The following JAK3 variants were observed in gnomAD, a reference collection of about 807,000 sequenced individuals.
JAK3 encodes the protein tyrosine-protein kinase JAK3.
Under a neutral mutation model 120.8 loss-of-function variants are expected in JAK3, and 88 were observed. The ratio of observed to expected loss-of-function variants is 0.73; its 90% confidence interval spans 0.61 to 0.87. The LOEUF is 0.87. Ranked by LOEUF, JAK3 falls within the 40% of genes least tolerant of loss-of-function variation. The probability of loss-of-function intolerance (pLI) is 0.00; values close to 1 mark genes in which losing one functional copy is unlikely to be tolerated. For missense variants in JAK3, 1,254 were observed against 1,501.4 expected (o/e 0.84, Z 2.72); for synonymous variants, 592 against 628.6 (o/e 0.94, Z 0.87).
Position 17,842,571 on chromosome 19 carries a change from G to C in JAK3, c.606C>G (p.Ile202Met). The C allele has an allele frequency of 6.3e-7, 1 of 1,587,818 alleles. No homozygotes were observed. The highest frequency in any genetic ancestry group is 1.1e-5 in the South Asian group (1 of 87,796). Reference sequence around the variant, plus strand: ...TCCGCGTCACGAAGCTCAGGCCCTGGATCAGGTCGCGCAGGCTTGGGGGTA... The same window carrying C: ...TCCGCGTCACGAAGCTCAGGCCCTGCATCAGGTCGCGCAGGCTTGGGGGTA... Reference protein sequence around the residue: ...ACLPPSLRDLIQGLSFVTRRR... With the variant: ...ACLPPSLRDLMQGLSFVTRRR... Residue 202 changes from isoleucine (I) to methionine (M), a missense_variant, in exon 6 of 24, where the codon ATC becomes ATG. This residue lies in a region of JAK3 where 486 missense variants were observed against 503.0 expected (regional missense o/e 0.97). Transcript: ENST00000458235. The surrounding 1 kb of genome is among the most constrained non-coding windows in gnomAD (Gnocchi z 6.4).
rs2094214369 is a variant in JAK3 at position 17,831,447 on chromosome 19, C to T, written c.2806-47G>A. On this transcript the variant is annotated intron_variant, in intron 20 of 23. Coordinates refer to ENST00000458235, the MANE Select transcript of JAK3 (RefSeq NM_000215.4). The surrounding 1 kb of genome is among the most constrained non-coding windows in gnomAD (Gnocchi z 5.1). ...GTGCAGAGAGGATCCCAGGATAATCCGGCAGGTACCCCAAGCGTGACCTGG... is the reference window on the plus strand; with the variant it reads ...GTGCAGAGAGGATCCCAGGATAATCTGGCAGGTACCCCAAGCGTGACCTGG... 1.3e-6 allele frequency: 2 copies of T among 1,597,446 alleles called. No homozygotes were observed. Among genetic ancestry groups the T allele is most frequent in the Non-Finnish European group, 1.7e-6 (2 of 1,178,360 alleles).
chr19:17,835,327 C>G lies in JAK3; in HGVS notation c.1915-112G>C, dbSNP rs1027904515. On this transcript the variant is annotated intron_variant, in intron 14 of 23. Coordinates refer to ENST00000458235, the MANE Select transcript of JAK3 (RefSeq NM_000215.4). Reference sequence around the variant, plus strand: ...CCACTTGGTACTGCTCAGACATGCTCCAGCATCGTCCCTGACTCCTGACAT... The same window carrying G: ...CCACTTGGTACTGCTCAGACATGCTGCAGCATCGTCCCTGACTCCTGACAT... 2.1e-5 allele frequency: 29 copies of G among 1,352,270 alleles called. No homozygotes were observed. The African/African-American group carries it at 4.0e-4, about 19-fold the overall frequency. 83.8% of individuals were successfully genotyped at this position (1,352,270 alleles called of 1,614,324 possible).
In JAK3 at chr19:17,834,906, G is replaced by C. The variant is rs2147682321; in HGVS notation, c.2145C>G (p.Val715=). Residue 715 remains valine, a synonymous_variant, in exon 16 of 24, where the codon GTC becomes GTG. Transcript: ENST00000458235. ...EADKWGFGAT[V]WEVFSGVTMP... ...TGGTGACGCCACTAAACACTTCCCA[G>C]ACCGTGGCGCCGAAGCCCCACTTGT... 6.2e-7 allele frequency: 1 copy of C among 1,614,148 alleles called. No homozygotes were observed. Among genetic ancestry groups the C allele is most frequent in the Non-Finnish European group, 8.5e-7 (1 of 1,180,006 alleles).
In JAK3 at chr19:17,841,339, GA is replaced by G; in HGVS notation, c.1142+49del. ...GAGGACACTGAGGCATAGAGAAGGG[GA>G]GGGGCCCTGAGTGGCCACAGAGGCC... is the stretch of plus-strand genomic sequence containing the variant. On this transcript the variant is annotated intron_variant, in intron 8 of 23. Transcript: ENST00000458235. This position sits in a 1 kb window ranked among gnomAD's most constrained non-coding sequence, Gnocchi z 4.1. The G allele has an allele frequency of 6.6e-7, 1 of 1,524,828 alleles. No individual in the cohort carries two copies. The highest frequency in any genetic ancestry group is 8.8e-7 in the Non-Finnish European group (1 of 1,136,206). 94.5% of individuals were successfully genotyped at this position (1,524,828 alleles called of 1,614,324 possible).
chr19:17,834,576 G>T lies in JAK3; in HGVS notation c.2345C>A (p.Ser782Tyr). Residue 782 changes from serine (S) to tyrosine (Y), a missense_variant, in exon 17 of 24, where the codon TCT becomes TAT. Around this residue, in one of 3 missense-constraint regions of JAK3, gnomAD observed 630 missense variants for 819.8 expected, o/e 0.77. Transcript: ENST00000458235. ...CAACCCGTCCCAGCGGGCACCTGAA[G>T]AGATGAGGCTATTGAGGTCACGAAT... ...AVIRDLNSLI[S>Y]SDYELLSDPT... The T allele has an allele frequency of 1.9e-6, 3 of 1,585,400 alleles. No homozygotes were observed.
rs1201702835 is a variant in JAK3 at position 17,841,797 on chromosome 19, A to G, written c.862-35T>C. 2 of 1,598,990 alleles carry G rather than the reference A, an allele frequency of 1.3e-6. No homozygotes were observed. The highest frequency in any genetic ancestry group is 1.7e-6 in the Non-Finnish European group (2 of 1,179,608). On this transcript the variant is annotated intron_variant, in intron 6 of 23. Coordinates refer to ENST00000458235, the MANE Select transcript of JAK3 (RefSeq NM_000215.4). The surrounding 1 kb of genome is among the most constrained non-coding windows in gnomAD (Gnocchi z 4.1). ...AGGGGGAGTACCGAAGTGGGGGCCCAGCTGGACCCCGCCAAACCACGCCCA... is the reference window on the plus strand; with the variant it reads ...AGGGGGAGTACCGAAGTGGGGGCCCGGCTGGACCCCGCCAAACCACGCCCA...
chr19:17,840,821 T>C (rs1219721687), intron 8 of JAK3, among the ~76,000 whole-genome samples: 1 of 151,504 alleles, frequency 6.6e-6, no homozygotes, highest in Non-Finnish European at 1.5e-5. Flanking sequence ...GGGAGATTGT[T>C]TGTTTGTTTG....
Position 17,825,576 on chromosome 19 carries a change from G to C in JAK3, c.*1167C>G, listed in dbSNP as rs567602021. 5.2e-6 allele frequency: 1 copy of C among 192,572 alleles called. No homozygotes were observed. The highest frequency in any genetic ancestry group is 1.9e-4 in the South Asian group (1 of 5,174). The allele number at this position is 192,572 out of a possible 1,614,324, so 11.9% of individuals were successfully genotyped here. A position where few individuals can be genotyped will look rare whatever the true frequency, so the allele number is the denominator to read the frequency against. On this transcript the variant is annotated 3_prime_UTR_variant, in exon 24 of 24. Coordinates refer to ENST00000458235, the MANE Select transcript of JAK3 (RefSeq NM_000215.4). Reference sequence around the variant, plus strand: ...CCTTGGCTTCCTCCAGAGAAACAGAGATCGGGGAGCAGAAGTCAGATCATA... The same window carrying C: ...CCTTGGCTTCCTCCAGAGAAACAGACATCGGGGAGCAGAAGTCAGATCATA...
At chr19:17,827,464 C>A (rs1471356867) in intron 23 of JAK3, among the ~76,000 whole-genome samples, 3 of 151,848 alleles carry the variant, frequency 2.0e-5, no homozygotes, top group African/African-American at 7.3e-5. Context: ...TCTCCTGCCT[C>A]AGCCTCCCAA....
chr19:17,837,651 A>T (rs976499896), intron 12 of JAK3, among the ~76,000 whole-genome samples: 7 of 151,626 alleles, frequency 4.6e-5, no homozygotes, highest in Non-Finnish European at 2.9e-5. Flanking sequence ...CCGACCTCAG[A>T]TGATCTGCCC....
rs138593705 is a variant in JAK3 at position 17,826,851 on chromosome 19, G to A, written c.3267C>T (p.Ser1089=). The change falls in exon 24 of 24, where the codon AGC becomes AGT. Residue 1089 remains serine, a synonymous_variant. Transcript: ENST00000458235. ...APSPQDRPSF[S]ALGPQLDMLW... ...GCATGTCCAGCTGGGGGCCCAGGGC[G>A]CTGAATGATGGCCGGTCCTGTGGGC... The A allele has an allele frequency of 2.0e-4, 317 of 1,613,892 alleles. 2 individuals carry two copies. The East Asian group carries it at 6.8e-3, about 34-fold the overall frequency.
In JAK3 at chr19:17,841,777, G is replaced by A. The variant is rs1335495836; in HGVS notation, c.862-15C>T. ...GGCTGGAGGACCTGGGAAGGAGGGGGAGTACCGAAGTGGGGGCCCAGCTGG... is the reference window on the plus strand; with the variant it reads ...GGCTGGAGGACCTGGGAAGGAGGGGAAGTACCGAAGTGGGGGCCCAGCTGG... On this transcript the variant is annotated splice_polypyrimidine_tract_variant and intron_variant, in intron 6 of 23. Coordinates refer to ENST00000458235, the MANE Select transcript of JAK3 (RefSeq NM_000215.4). The surrounding 1 kb of genome is among the most constrained non-coding windows in gnomAD (Gnocchi z 4.1). 1 of 1,601,598 alleles carries A rather than the reference G, an allele frequency of 6.2e-7. No individual in the cohort carries two copies. Among genetic ancestry groups the A allele is most frequent in the Non-Finnish European group, 8.5e-7 (1 of 1,179,842 alleles).
chr19:17,831,256 G>A lies in JAK3; in HGVS notation c.2950C>T (p.Arg984Cys), dbSNP rs1186986948. The A allele has an allele frequency of 6.2e-7, 1 of 1,612,200 alleles. No homozygotes were observed. Among genetic ancestry groups the A allele is most frequent in the South Asian group, 1.1e-5 (1 of 91,080 alleles). The change falls in exon 21 of 24, where the codon CGC becomes TGC. Residue 984 changes from arginine (R) to cysteine (C), a missense_variant. Around this residue, in one of 3 missense-constraint regions of JAK3, gnomAD observed 630 missense variants for 819.8 expected, o/e 0.77. Transcript: ENST00000458235. The surrounding 1 kb of genome is among the most constrained non-coding windows in gnomAD (Gnocchi z 5.1). ...AAAATGGGGCTCTGGCCTGGCTCGC[G>A]GACCACGTAGTAGTCTTTGTCAAGC... The part of the protein sequence containing the change: ...LPLDKDYYVV[R>C]EPGQSPIFWY...
At chr19:17,837,856 T>TA (rs2094228021) in intron 12 of JAK3, 76 bp downstream of exon 12, 1 of 1,603,364 alleles carries the variant, frequency 6.2e-7, no homozygotes, top group Non-Finnish European at 8.5e-7. Context: ...CCCTGTGTGT[T>TA]TTTAAATTTC....
Position 17,838,075 on chromosome 19 carries a change from G to C in JAK3, c.1570-12C>G. 4 of 1,614,132 alleles carry C rather than the reference G, an allele frequency of 2.5e-6. No individual in the cohort carries two copies. Among genetic ancestry groups the C allele is most frequent in the Non-Finnish European group, 3.4e-6 (4 of 1,180,032 alleles). ...CCCAGGTTCTCATGCTGAATGGTGAGGGGACAGCAGAAGAGGCCAGTGAGG... is the reference window on the plus strand; with the variant it reads ...CCCAGGTTCTCATGCTGAATGGTGACGGGACAGCAGAAGAGGCCAGTGAGG... On this transcript the variant is annotated splice_polypyrimidine_tract_variant and intron_variant, in intron 11 of 23. Coordinates refer to ENST00000458235, the MANE Select transcript of JAK3 (RefSeq NM_000215.4).
Position 17,841,338 on chromosome 19 carries a change from G to A in JAK3, c.1142+51C>T. ...TGAGGACACTGAGGCATAGAGAAGG[G>A]GAGGGGCCCTGAGTGGCCACAGAGG... On this transcript the variant is annotated intron_variant, in intron 8 of 23. Transcript: ENST00000458235. The surrounding 1 kb of genome is among the most constrained non-coding windows in gnomAD (Gnocchi z 4.1). The A allele has an allele frequency of 6.6e-7, 1 of 1,524,324 alleles. No homozygotes were observed. The highest frequency in any genetic ancestry group is 1.2e-5 in the South Asian group (1 of 83,532). The allele number at this position is 1,524,324 out of a possible 1,614,324, so 94.4% of individuals were successfully genotyped here.
Position 17,834,647 on chromosome 19 carries a change from C to A in JAK3, c.2274G>T (p.Gln758His). ...KWTELALLIQ[Q>H]CMAYEPVQRP... ...TCTGGACCGGCTCATAGGCCATGCA[C>A]TGTTGAATCAGCAGGGCCAGCTCTG... is the stretch of plus-strand genomic sequence containing the variant. Residue 758 changes from glutamine to histidine, a missense_variant, in exon 17 of 24, where the codon CAG becomes CAT. Physicochemically the swap from Gln to His is conservative, Grantham distance 24. Around this residue, in one of 3 missense-constraint regions of JAK3, gnomAD observed 630 missense variants for 819.8 expected, o/e 0.77. Coordinates refer to ENST00000458235, the MANE Select transcript of JAK3 (RefSeq NM_000215.4). The A allele has an allele frequency of 6.2e-7, 1 of 1,614,092 alleles. No homozygotes were observed. The highest frequency in any genetic ancestry group is 8.5e-7 in the Non-Finnish European group (1 of 1,180,008).
At chr19:17,836,269 T>C (rs1391477329) in intron 13 of JAK3, among the ~76,000 whole-genome samples, 1 of 152,164 alleles carries the variant, frequency 6.6e-6, no homozygotes, top group Non-Finnish European at 1.5e-5. Context: ...TGTCTGTATC[T>C]GTATCTCACT....
In JAK3 at chr19:17,826,537, T is replaced by C; in HGVS notation, c.*206A>G. On this transcript the variant is annotated 3_prime_UTR_variant, in exon 24 of 24. Transcript: ENST00000458235. ...ACTCAGAGAGCCCCACTGACACATA[T>C]GCCCATCTGTCTTGAACCTTAACAA... 1 of 625,600 alleles carries C rather than the reference T, an allele frequency of 1.6e-6. No homozygotes were observed. Among genetic ancestry groups the C allele is most frequent in the Non-Finnish European group, 2.9e-6 (1 of 346,996 alleles). 38.8% of individuals were successfully genotyped at this position (625,600 alleles called of 1,614,324 possible). A position where few individuals can be genotyped will look rare whatever the true frequency, so the allele number is the denominator to read the frequency against.
Sources: allele counts gnomAD v4.1 joint callset (sites outside exome capture counted in the v4.1 genomes callset), GRCh38; gene constraint gnomAD v4.1.1; regional missense constraint gnomAD v4.1.1; non-coding constraint Gnocchi (gnomAD v3.1); transcripts MANE v1.5; gene names NCBI Gene and HGNC (gene_info 2026-07-23, HGNC 2026-07-21).